NPRL3: variants seen among roughly 807,000 people sequenced by gnomAD.
NPRL3 encodes GATOR1 complex protein NPRL3.
NPRL3 carries 23 observed loss-of-function variants against 57.2 expected under a neutral mutation model. That is an observed-to-expected ratio of 0.40 (90% CI 0.29 to 0.57). NPRL3 has a LOEUF of 0.57. NPRL3 is among the 20% of genes least tolerant of loss of function. The pLI, the probability that NPRL3 is intolerant of heterozygous loss-of-function variation, is 0.42. For synonymous variants in NPRL3, 333 were observed against 321.1 expected (o/e 1.04, Z -0.39); for missense variants, 691 against 767.1 (o/e 0.90, Z 1.17).
At chr16:98,660 C>T (rs923535784) in intron 8 of NPRL3, among the ~76,000 whole-genome samples, 3 of 152,228 alleles carry the variant, frequency 2.0e-5, no homozygotes, top group Admixed American at 1.3e-4. Context: ...ACAAAATCTG[C>T]CAAGGACTGG....
In NPRL3 at chr16:95,348, T is replaced by TAC. The variant is rs769252741; in HGVS notation, c.925-2024_925-2023insGT. Among the ~76,000 whole-genome samples the TAC allele has an allele frequency of 5.0e-3, 227 of 44,998 alleles. 1 individual carries two copies. Among genetic ancestry groups the TAC allele is most frequent in the African/African-American group, 8.0e-3 (162 of 20,292 alleles). The allele number at this position is 44,998 out of a possible 152,430, so 29.5% of individuals were successfully genotyped here. A position where few individuals can be genotyped will look rare whatever the true frequency, so the allele number is the denominator to read the frequency against. Reference sequence around the variant, plus strand: ...GTGTATATATATATATATATATATATATACACACACACACACACACACACA... The same window carrying TAC: ...GTGTATATATATATATATATATATATACATACACACACACACACACACACACA... On this transcript the variant is annotated intron_variant, in intron 9 of 13. Transcript: ENST00000611875.
intron 7 of NPRL3, among the ~76,000 whole-genome samples, chr16:107,120 C>T (rs750469311): frequency 6.6e-6 from 1 of 152,176 alleles, no homozygotes; most frequent in Non-Finnish European, 1.5e-5. Context: ...AAACAGAATG[C>T]GTAGGTCAGG....
At chr16:93,855 C>G (rs1270065609) in intron 9 of NPRL3, among the ~76,000 whole-genome samples, 1 of 152,238 alleles carries the variant, frequency 6.6e-6, no homozygotes, top group Admixed American at 6.5e-5. Flanking sequence ...GCCACCGCAC[C>G]CGGCCACAAT....
chr16:117,388 C>G lies in NPRL3; in HGVS notation c.319-13G>C, dbSNP rs953340982. 1.3e-6 allele frequency: 2 copies of G among 1,579,850 alleles called. No individual in the cohort carries two copies. The highest frequency in any genetic ancestry group is 3.4e-5 in the Admixed American group (2 of 58,092). Reference sequence around the variant, plus strand: ...CTGTTTTGGAGATCTGTAAAAGATGCATAATTCTAATTAATTGAGACGACT... The same window carrying G: ...CTGTTTTGGAGATCTGTAAAAGATGGATAATTCTAATTAATTGAGACGACT... On this transcript the variant is annotated splice_polypyrimidine_tract_variant and intron_variant, in intron 4 of 13. Coordinates refer to ENST00000611875, the MANE Select transcript of NPRL3 (RefSeq NM_001077350.3).
At chr16:117,948 G>A (rs937448254) in intron 4 of NPRL3, among the ~76,000 whole-genome samples, 16 of 152,180 alleles carry the variant, frequency 1.1e-4, no homozygotes, top group Admixed American at 6.5e-4. Context: ...GGGGAGTTGG[G>A]GCCCCAGGCT....
intron 13 of NPRL3, among the ~76,000 whole-genome samples, chr16:88,244 G>T (rs1364182877): frequency 6.6e-6 from 1 of 152,206 alleles, no homozygotes; most frequent in African/African-American, 2.4e-5. Flanking sequence ...AGCCGGGCGT[G>T]GTGGCGGGCG....
rs377031051 is a variant in NPRL3 at position 126,665 on chromosome 16, G to C, written c.188+3857C>G. Among the ~76,000 whole-genome samples the C allele has an allele frequency of 3.9e-4, 60 of 152,052 alleles. No homozygotes were observed. The East Asian group carries it at 0.011, about 27-fold the overall frequency. ...GCTATCTCTCAGACCTGGCTTGATG[G>C]CTTCTGCCCCTACCAGTGGTGGGGA... On this transcript the variant is annotated intron_variant, in intron 3 of 13. Coordinates refer to ENST00000611875, the MANE Select transcript of NPRL3 (RefSeq NM_001077350.3).
Position 98,193 on chromosome 16 carries a change from C to T in NPRL3, c.876G>A (p.Val292=). The change falls in exon 9 of 14, where the codon GTG becomes GTA. Residue 292 remains valine (V), a synonymous_variant. Coordinates refer to ENST00000611875, the MANE Select transcript of NPRL3 (RefSeq NM_001077350.3). ...CTTGGGCTAGCTGCTGCAGGTTCTT[C>T]ACAGCAGATGTGGTCTTGATCACCC... ...LVRVIKTTSA[V]KNLQQLAQDA... is the part of the protein sequence containing the mutation. The T allele has an allele frequency of 6.2e-7, 1 of 1,613,974 alleles. No homozygotes were observed. Among genetic ancestry groups the T allele is most frequent in the Non-Finnish European group, 8.5e-7 (1 of 1,179,872 alleles).
intron 5 of NPRL3, among the ~76,000 whole-genome samples, chr16:113,539 A>T (rs188734429): frequency 6.6e-6 from 1 of 152,180 alleles, no homozygotes; most frequent in Admixed American, 6.5e-5. Context: ...CCAGGCAAGC[A>T]CATCTGCCCA....
rs1900746179 is a variant in NPRL3, at chr16:130,611, G to A, written c.119-20C>T. The A allele has an allele frequency of 1.3e-6, 2 of 1,551,884 alleles. No homozygotes were observed. The highest frequency in any genetic ancestry group is 2.4e-5 in the East Asian group (1 of 41,050). ...GCTTACCTGAGTCGGGGCGAAAAGA[G>A]GGGAAGGGCTAAGAAAACAGGGTCC... On this transcript the variant is annotated intron_variant, in intron 2 of 13. Coordinates refer to ENST00000611875, the MANE Select transcript of NPRL3 (RefSeq NM_001077350.3).
Position 112,999 on chromosome 16 carries a change from G to A in NPRL3, c.394-224C>T, listed in dbSNP as rs2541613. On this transcript the variant is annotated intron_variant, in intron 5 of 13. Transcript: ENST00000611875. Reference sequence around the variant, plus strand: ...TGTGGGCTGTCAGCCCCCATGCTCTGTTCTTGGGAGTGGCTGCCTGAATAG... The same window carrying A: ...TGTGGGCTGTCAGCCCCCATGCTCTATTCTTGGGAGTGGCTGCCTGAATAG... 0.76 allele frequency among the ~76,000 whole-genome samples: 115,117 copies of A among 152,102 alleles called. 45,646 individuals carry two copies. Among genetic ancestry groups the A allele is most frequent in the South Asian group, 0.88 (4,254 of 4,826 alleles).
At chr16:97,255 G>C (rs1361394845) in intron 9 of NPRL3, among the ~76,000 whole-genome samples, 1 of 149,270 alleles carries the variant, frequency 6.7e-6, no homozygotes, top group Non-Finnish European at 1.5e-5. Context: ...ATTTCTCCCC[G>C]TGCTTTTTTT....
At position 96,209 on chromosome 16, in the gene NPRL3, G is replaced by T. The variant is rs546610023; in HGVS notation, c.924+1936C>A. On this transcript the variant is annotated intron_variant, in intron 9 of 13. Transcript: ENST00000611875. ...AAACTCCTGCCAGACAACCTCAGAA[G>T]AGGGCATCAAAGCTTTGTCCAAGGA... 7.2e-5 allele frequency among the ~76,000 whole-genome samples: 11 copies of T among 152,226 alleles called. No individual in the cohort carries two copies. The East Asian group carries it at 2.1e-3, about 29-fold the overall frequency.
Position 92,641 on chromosome 16 carries a change from G to A in NPRL3, c.1116C>T (p.Val372=), listed in dbSNP as rs945845066. The part of the protein sequence containing the change: ...PSVLAKFSLP[V]SLSEFRNPLA... ...GGGGATTCCTAAATTCTGACAAGGAGACCGGCAAGGAGAACTTGGCAAGAA... is the reference window on the plus strand; with the variant it reads ...GGGGATTCCTAAATTCTGACAAGGAAACCGGCAAGGAGAACTTGGCAAGAA... Residue 372 remains valine (V), a synonymous_variant, in exon 11 of 14, where the codon GTC becomes GTT. Transcript: ENST00000611875. 1.9e-6 allele frequency: 3 copies of A among 1,613,666 alleles called. No homozygotes were observed. The highest frequency in any genetic ancestry group is 1.3e-5 in the African/African-American group (1 of 74,926).
chr16:130,167 CT>C (rs1359320976), intron 3 of NPRL3, among the ~76,000 whole-genome samples: 1 of 152,178 alleles, frequency 6.6e-6, no homozygotes, highest in Non-Finnish European at 1.5e-5. Context: ...TGCATTTGAC[CT>C]CTGGGTACAT....
At chr16:111,428 T>G (rs932554543) in intron 6 of NPRL3, among the ~76,000 whole-genome samples, 3 of 151,916 alleles carry the variant, frequency 2.0e-5, no homozygotes, top group Non-Finnish European at 4.4e-5. Context: ...CAATTACCTG[T>G]CAAAATTTAT....
chr16:89,446 G>T (rs1898660088), intron 12 of NPRL3: 2 of 446,688 alleles, frequency 4.5e-6, no homozygotes, highest in Non-Finnish European at 7.9e-6. Flanking sequence ...CTGGGGCAGA[G>T]ATTCCAGCAC....
At chr16:129,363 G>C (rs1900687868) in intron 3 of NPRL3, among the ~76,000 whole-genome samples, 1 of 152,110 alleles carries the variant, frequency 6.6e-6, no homozygotes, top group Non-Finnish European at 1.5e-5. Flanking sequence ...CACATTTAAA[G>C]GGCAAGACAA....
rs746403590 is a variant in NPRL3, at chr16:138,103, T to A, written c.118+47A>T. The A allele has an allele frequency of 2.0e-6, 3 of 1,465,452 alleles. No individual in the cohort carries two copies. The African/African-American group carries it at 4.2e-5, about 21-fold the overall frequency. The allele number at this position is 1,465,452 out of a possible 1,614,324, so 90.8% of individuals were successfully genotyped here. A position where few individuals can be genotyped will look rare whatever the true frequency, so the allele number is the denominator to read the frequency against. On this transcript the variant is annotated intron_variant, in intron 2 of 13. Coordinates refer to ENST00000611875, the MANE Select transcript of NPRL3 (RefSeq NM_001077350.3). Reference sequence around the variant, plus strand: ...GCCCTGGAATGAGGCGACCCCGGAATGAGGCGGCCCCCGCGAGCGCCAGGC... The same window carrying A: ...GCCCTGGAATGAGGCGACCCCGGAAAGAGGCGGCCCCCGCGAGCGCCAGGC...
Sources: allele counts gnomAD v4.1 joint callset (sites outside exome capture counted in the v4.1 genomes callset), GRCh38; gene constraint gnomAD v4.1.1; transcripts MANE v1.5; gene names NCBI Gene and HGNC (gene_info 2026-07-23, HGNC 2026-07-21).